DST: variants seen among roughly 807,000 people sequenced by gnomAD.
DST encodes the protein dystonin, also known as bullous pemphigoid antigen.
In DST, 253 loss-of-function variants were observed where a neutral mutation model predicts 875.2. The observed-to-expected ratio is 0.29, with a 90% confidence interval of 0.26 to 0.32. DST has a LOEUF of 0.32. Ranked by LOEUF, DST falls within the 10% of genes least tolerant of loss-of-function variation. The pLI is 1.00. For missense variants in DST, 8,287 were observed against 9,111.6 expected, an observed-to-expected ratio of 0.91 and a Z score of 3.68; for synonymous variants, 3,124 against 3,197.1, an observed-to-expected ratio of 0.98 and a Z score of 0.77.
At position 56,711,964 on chromosome 6, in the gene DST, G is replaced by A. The variant is rs1030239254; in HGVS notation, c.688-7595C>T. Among the ~76,000 whole-genome samples the A allele has an allele frequency of 1.4e-4, 21 of 150,234 alleles. 1 individual carries two copies. The highest frequency in any genetic ancestry group is 9.2e-4 in the Admixed American group (14 of 15,138). On this transcript the variant is annotated intron_variant, in intron 5 of 103. Coordinates refer to ENST00000680361, the MANE Select transcript of DST (RefSeq NM_001374736.1). Reference sequence around the variant, plus strand: ...AAATTAGCCGGGCGTAGTGGCGGGCGCCTGTAGTCCCAGCTACTCGGGAGG... The same window carrying A: ...AAATTAGCCGGGCGTAGTGGCGGGCACCTGTAGTCCCAGCTACTCGGGAGG...
At chr6:56,682,749 CGTAA>C (rs2099162882) in intron 9 of DST, among the ~76,000 whole-genome samples, 1 of 152,152 alleles carries the variant, frequency 6.6e-6, no homozygotes, top group Non-Finnish European at 1.5e-5. Flanking sequence ...TGTAAAACAA[CGTAA>C]GTTTTGTTTC....
intron 5 of DST, among the ~76,000 whole-genome samples, chr6:56,725,279 CCAGGTATGACTAG>C (rs2099447300): frequency 6.6e-6 from 1 of 152,138 alleles, no homozygotes; most frequent in South Asian, 2.1e-4. Flanking sequence ...GAGGCAGACT[CCAGGTATGACTAG>C]CTTACTACCC....
At chr6:56,531,576 A>G (rs947234963) in intron 64 of DST, among the ~76,000 whole-genome samples, 3 of 152,074 alleles carry the variant, frequency 2.0e-5, no homozygotes, top group African/African-American at 7.2e-5. Flanking sequence ...TCTCTTCACT[A>G]TTCTGGTTCC....
intron 4 of DST, among the ~76,000 whole-genome samples, chr6:56,805,318 T>C (rs904264923): frequency 6.6e-6 from 1 of 152,128 alleles, no homozygotes; most frequent in Non-Finnish European, 1.5e-5. Flanking sequence ...GAAAATCACA[T>C]TCACTATTGG....
In DST at chr6:56,485,477, G is replaced by GA. The variant is rs765491767; in HGVS notation, c.21048-7dup. ...CTTCCTCCAATTTGTTTTGTCTAGGGAAAAAGGTAGAAAAATTGATCCTTG... is the reference window on the plus strand; with the variant it reads ...CTTCCTCCAATTTGTTTTGTCTAGGGAAAAAAGGTAGAAAAATTGATCCTTG... On this transcript the variant is annotated splice_region_variant and splice_polypyrimidine_tract_variant and intron_variant, in intron 87 of 103. Coordinates refer to ENST00000680361, the MANE Select transcript of DST (RefSeq NM_001374736.1). 1 of 1,609,058 alleles carries GA rather than the reference G, an allele frequency of 6.2e-7. No individual in the cohort carries two copies. The highest frequency in any genetic ancestry group is 8.5e-7 in the Non-Finnish European group (1 of 1,177,736).
chr6:56,513,060 T>C (rs1371136677), intron 72 of DST, among the ~76,000 whole-genome samples: 1 of 152,200 alleles, frequency 6.6e-6, no homozygotes, highest in African/African-American at 2.4e-5. Flanking sequence ...CTCCTGTCAA[T>C]GTTCTTTCAG....
intron 9 of DST, among the ~76,000 whole-genome samples, chr6:56,688,181 A>G (rs552900230): frequency 2.6e-5 from 4 of 152,342 alleles, no homozygotes; most frequent in African/African-American, 9.6e-5. Context: ...AGAGAAATCA[A>G]TATGAATGTT....
chr6:56,579,741 G>A (rs1046417472), intron 49 of DST, among the ~76,000 whole-genome samples: 2 of 152,290 alleles, frequency 1.3e-5, no homozygotes, highest in Admixed American at 6.5e-5. Flanking sequence ...ATGCTTATGG[G>A]TGAGTAAATA....
intron 36 of DST, chr6:56,615,281 A>G: frequency 7.6e-7 from 1 of 1,317,604 alleles, no homozygotes. Flanking sequence ...TAGTGTGGCC[A>G]AGTTTCAAAA....
At chr6:56,670,189 G>C (rs182470363) in intron 10 of DST, among the ~76,000 whole-genome samples, 94 of 150,326 alleles carry the variant, frequency 6.3e-4, no homozygotes, top group African/African-American at 2.2e-3. Context: ...CTACAATTCA[G>C]AATCATGGCC....
intron 2 of DST, among the ~76,000 whole-genome samples, chr6:56,920,627 T>C (rs1206416085): frequency 2.0e-5 from 3 of 152,136 alleles, no homozygotes; most frequent in African/African-American, 7.2e-5. Context: ...AAGCAAATTA[T>C]GCAGCTTTAT....
At position 56,699,726 on chromosome 6, in the gene DST, C is replaced by A; in HGVS notation, c.974G>T (p.Arg325Ile). 1.3e-6 allele frequency: 2 copies of A among 1,489,706 alleles called. No homozygotes were observed. The highest frequency in any genetic ancestry group is 1.8e-6 in the Non-Finnish European group (2 of 1,112,398). The allele number at this position is 1,489,706 out of a possible 1,614,324, so 92.3% of individuals were successfully genotyped here. A position where few individuals can be genotyped will look rare whatever the true frequency, so the allele number is the denominator to read the frequency against. ...ATTTCCATCTGTTATGTCATCATTT[C>A]TAATATTCACTAATTTCACCTGTTT... Reference protein sequence around the residue: ...KRRQVKLVNIRNDDITDGNPK... With the variant: ...KRRQVKLVNIINDDITDGNPK... The change falls in exon 9 of 104, where the codon AGA (arginine) becomes ATA (isoleucine). Residue 325 changes from arginine (R) to isoleucine (I), a missense_variant. Arg to Ile is a moderately conservative substitution (Grantham distance 97, BLOSUM62 -3). This residue lies in a region of DST where 1,160 missense variants were observed against 1,424.3 expected (regional missense o/e 0.81). Transcript: ENST00000680361.
At chr6:56,703,453 C>G (rs2099319347) in intron 7 of DST, among the ~76,000 whole-genome samples, 195 bp downstream of exon 7, 1 of 152,164 alleles carries the variant, frequency 6.6e-6, no homozygotes, top group South Asian at 2.1e-4. Flanking sequence ...CATTTTAGCT[C>G]TCTGAAGATA....
intron 67 of DST, among the ~76,000 whole-genome samples, chr6:56,528,171 C>T (rs1300331714): frequency 2.0e-5 from 3 of 152,144 alleles, no homozygotes; most frequent in African/African-American, 7.2e-5. Context: ...TCTTTATTTG[C>T]CTCTACCTCA....
chr6:56,538,140 G>A (rs536822528), intron 61 of DST, among the ~76,000 whole-genome samples: 17 of 152,080 alleles, frequency 1.1e-4, no homozygotes, highest in African/African-American at 3.6e-4. Flanking sequence ...ATGTCACCAC[G>A]CCCAGCTAAT....
intron 4 of DST, among the ~76,000 whole-genome samples, chr6:56,750,141 A>G (rs1272716524): frequency 6.6e-6 from 1 of 152,136 alleles, no homozygotes; most frequent in African/African-American, 2.4e-5. Flanking sequence ...CCTCTTGGTA[A>G]AAAGATCTTC....
chr6:56,640,508 T>A lies in DST; in HGVS notation c.2125A>T (p.Met709Leu), dbSNP rs142650835. ...AAACTTTGAGTGATTCCTGATATCA[T>A]GAGCTTTGTCTGTTCTGTTGTCAGT... ...RILTTEQTKLMISGITQSLNS... is the reference protein window; with the variant it reads ...RILTTEQTKLLISGITQSLNS... Residue 709 changes from methionine to leucine, a missense_variant, in exon 18 of 104, where the codon ATG becomes TTG. Met to Leu is a conservative substitution (Grantham distance 15). This residue lies in a region of DST where 1,160 missense variants were observed against 1,424.3 expected (regional missense o/e 0.81). Coordinates refer to ENST00000680361, the MANE Select transcript of DST (RefSeq NM_001374736.1). The A allele has an allele frequency of 6.2e-6, 10 of 1,613,622 alleles. No homozygotes were observed. The highest frequency in any genetic ancestry group is 1.3e-5 in the African/African-American group (1 of 75,048).
At chr6:56,733,249 C>A (rs1279560550) in intron 5 of DST, among the ~76,000 whole-genome samples, 1 of 152,106 alleles carries the variant, frequency 6.6e-6, no homozygotes. Flanking sequence ...AGAGGCAACA[C>A]ACCTATCAAT....
In DST at chr6:56,620,568, G is replaced by C. The variant is rs577972555; in HGVS notation, c.4929+3962C>G. 291 of 1,613,772 alleles carry C rather than the reference G, an allele frequency of 1.8e-4. 4 individuals carry two copies. In the South Asian group the frequency reaches 3.1e-3, roughly 17 times the overall value. ...ACCTTCGGAAGTTCTTCCTCTACTC[G>C]GGACTTTTGTTTCTTTAGTTCAGCT... On this transcript the variant is annotated intron_variant, in intron 36 of 103. Coordinates refer to ENST00000680361, the MANE Select transcript of DST (RefSeq NM_001374736.1).
Sources: gnomAD v4.1 joint callset for allele counts (sites outside exome capture counted in the v4.1 genomes callset) on GRCh38, gnomAD v4.1.1 for gene constraint, gnomAD v4.1.1 regional missense constraint, MANE v1.5 for transcripts, NCBI Gene and HGNC (gene_info 2026-07-23, HGNC 2026-07-21) for gene names.